The following PEMT variants were observed in gnomAD, a reference collection of about 807,000 sequenced individuals.
PEMT encodes phospholipid methyltransferase.
PEMT carries 23 observed loss-of-function variants against 27.4 expected under a neutral mutation model. That is an observed-to-expected ratio of 0.84 (90% CI 0.60 to 1.19). The LOEUF (loss-of-function observed/expected upper bound fraction) is 1.19. PEMT is among the 50% of genes most tolerant of loss of function. PEMT has a pLI of 0.00. For missense variants in PEMT, 307 were observed against 310.1 expected (o/e 0.99, Z 0.07); for synonymous variants, 137 against 139.1 (o/e 0.98, Z 0.11).
chr17:17,537,647 G>A (rs1224012879), intron 2 of PEMT, among the ~76,000 whole-genome samples: 1 of 152,256 alleles, frequency 6.6e-6, no homozygotes, highest in African/African-American at 2.4e-5. Flanking sequence ...GAAAGCAGGA[G>A]GAGAGATAAG....
chr17:17,542,940 G>A lies in PEMT; in HGVS notation c.205-20545C>T, dbSNP rs74471231. 3.7e-4 allele frequency among the ~76,000 whole-genome samples: 57 copies of A among 152,334 alleles called. No individual in the cohort carries two copies. In the East Asian group the frequency reaches 0.011, roughly 28 times the overall value. ...ACTGCCGGGTCTAGAGGACTCTGAG[G>A]CTGGAAGGGGCATGGGGACATCATT... On this transcript the variant is annotated intron_variant, in intron 2 of 6. Coordinates refer to ENST00000255389, the MANE Select transcript of PEMT (RefSeq NM_148172.3).
intron 3 of PEMT, among the ~76,000 whole-genome samples, chr17:17,518,573 G>A (rs528302888): frequency 6.6e-6 from 1 of 152,320 alleles, no homozygotes; most frequent in African/African-American, 2.4e-5. Context: ...CACTGCTGGT[G>A]CAGACCTGCT....
Position 17,509,525 on chromosome 17 carries a change from T to C in PEMT, c.487A>G (p.Lys163Glu), listed in dbSNP as rs761000841. ...GGGAACACGGTCACTCTCGCCTCCTTGAGGATCCCGAAGTAATCACCTGTG... is the reference window on the plus strand; with the variant it reads ...GGGAACACGGTCACTCTCGCCTCCTCGAGGATCCCGAAGTAATCACCTGTG... ...TFLGDYFGIL[K>E]EARVTVFPFN... The change falls in exon 5 of 7, where the codon AAG becomes GAG. Residue 163 changes from lysine (K) to glutamate (E), a missense_variant. By Grantham distance (56) the Lys-to-Glu change is moderately conservative. Coordinates refer to ENST00000255389, the MANE Select transcript of PEMT (RefSeq NM_148172.3). 73 of 1,613,380 alleles carry C rather than the reference T, an allele frequency of 4.5e-5. No homozygotes were observed. The highest frequency in any genetic ancestry group is 6.1e-5 in the Non-Finnish European group (72 of 1,179,470).
chr17:17,588,746 A>G (rs4646344), intron 1 of PEMT, among the ~76,000 whole-genome samples: 51,641 of 152,040 alleles, frequency 0.34, 10,042 homozygotes, highest in Middle Eastern at 0.47. Context: ...TCATCTTCTG[A>G]ATCCTGGAGG....
rs1386445442 is a variant in PEMT at position 17,523,251 on chromosome 17, C to G, written c.205-856G>C. On this transcript the variant is annotated intron_variant, in intron 2 of 6. Transcript: ENST00000255389. The surrounding 1 kb of genome is among the most constrained non-coding windows in gnomAD (Gnocchi z 4.8). ...AAGTTGTCTGTGGGCCCAGAGTAGG[C>G]GCCTGTGTGTGCACAGGAAGAGCCT... is the stretch of plus-strand genomic sequence containing the variant. Among the ~76,000 whole-genome samples the G allele has an allele frequency of 6.6e-6, 1 of 152,172 alleles. No individual in the cohort carries two copies.
At chr17:17,511,716 C>A (rs1906413012) in intron 4 of PEMT, among the ~76,000 whole-genome samples, 1 of 152,218 alleles carries the variant, frequency 6.6e-6, no homozygotes, top group African/African-American at 2.4e-5. Context: ...CAACTCCCTG[C>A]TCACTGGGAG....
intron 1 of PEMT, among the ~76,000 whole-genome samples, chr17:17,588,250 C>T (rs571350049): frequency 2.8e-4 from 42 of 152,284 alleles, no homozygotes; most frequent in African/African-American, 9.6e-4. Flanking sequence ...TCTAATATAA[C>T]GGCCTAATGT....
chr17:17,550,698 G>A (rs1909598855), intron 2 of PEMT, among the ~76,000 whole-genome samples: 1 of 152,222 alleles, frequency 6.6e-6, no homozygotes, highest in African/African-American at 2.4e-5. Context: ...CAAGGTCGCA[G>A]GTGGCTAGAG....
At chr17:17,507,098 C>T (rs939160557) in intron 5 of PEMT, 48 of 1,464,286 alleles carry the variant, frequency 3.3e-5, no homozygotes, top group Admixed American at 3.9e-5. Context: ...CCAAGGAGCC[C>T]GGGCGCAGCT....
intron 3 of PEMT, among the ~76,000 whole-genome samples, chr17:17,518,833 G>A (rs557309168): frequency 2.6e-5 from 4 of 152,192 alleles, no homozygotes; most frequent in Non-Finnish European, 2.9e-5. Flanking sequence ...GAAAGCAGAC[G>A]AGTGCTGCCA....
At chr17:17,528,157 C>T (rs535905807) in intron 2 of PEMT, among the ~76,000 whole-genome samples, 3 of 152,348 alleles carry the variant, frequency 2.0e-5, no homozygotes, top group Admixed American at 6.5e-5. Flanking sequence ...GTGGGCCGTG[C>T]GCCAGCACAG....
intron 3 of PEMT, among the ~76,000 whole-genome samples, chr17:17,514,632 G>A (rs1001716084): frequency 1.3e-5 from 2 of 152,226 alleles, no homozygotes; most frequent in South Asian, 2.1e-4. Flanking sequence ...GGGTCACCCC[G>A]CAGCTCCAGG....
intron 4 of PEMT, 116 bp from the exon 5 acceptor site, chr17:17,509,661 C>A: frequency 1.4e-6 from 1 of 728,250 alleles, no homozygotes; most frequent in South Asian, 1.5e-5. Context: ...AGGGCCCTGC[C>A]CTCCAGGAGA....
chr17:17,550,013 A>G (rs749965672), intron 2 of PEMT, among the ~76,000 whole-genome samples: 3 of 152,200 alleles, frequency 2.0e-5, no homozygotes, highest in Non-Finnish European at 4.4e-5. Context: ...GCTGACGGAA[A>G]TGGATCCTTC....
intron 4 of PEMT, among the ~76,000 whole-genome samples, chr17:17,510,234 A>G (rs972437591): frequency 4.6e-5 from 7 of 152,174 alleles, no homozygotes; most frequent in African/African-American, 1.4e-4. Context: ...CACAGCCACA[A>G]GGCGTCCCCC....
rs911498651 is a variant in PEMT, at chr17:17,507,269, G to T, written c.579-968C>A. ...AGGGAGGAAAGGAGCTGTCTGGCGG[G>T]CACAGAGGGCGCATGGGCAGGCCTG... is the stretch of plus-strand genomic sequence containing the variant. On this transcript the variant is annotated intron_variant, in intron 5 of 6. Transcript: ENST00000255389. 6.1e-6 allele frequency: 8 copies of T among 1,303,768 alleles called. No individual in the cohort carries two copies. In the African/African-American group the frequency reaches 1.0e-4, roughly 17 times the overall value. 80.8% of individuals were successfully genotyped at this position (1,303,768 alleles called of 1,614,324 possible).
intron 3 of PEMT, among the ~76,000 whole-genome samples, chr17:17,516,118 C>T (rs1297422757): frequency 6.6e-6 from 1 of 152,082 alleles, no homozygotes; most frequent in African/African-American, 2.4e-5. Context: ...GGGGTGTCTC[C>T]GCAACGTCGT....
intron 2 of PEMT, among the ~76,000 whole-genome samples, chr17:17,541,648 G>T (rs1217115215): frequency 6.6e-6 from 1 of 152,262 alleles, no homozygotes; most frequent in African/African-American, 2.4e-5. Flanking sequence ...CAGGTTTGTT[G>T]AGGCTTCTGG....
intron 4 of PEMT, among the ~76,000 whole-genome samples, chr17:17,510,090 G>A (rs902084722): frequency 6.6e-6 from 1 of 152,126 alleles, no homozygotes; most frequent in Non-Finnish European, 1.5e-5. Context: ...GCCACAGCAC[G>A]CCTCCCGTTG....
Sources: allele counts gnomAD v4.1 joint callset (sites outside exome capture counted in the v4.1 genomes callset), GRCh38; gene constraint gnomAD v4.1.1; non-coding constraint Gnocchi (gnomAD v3.1); transcripts MANE v1.5; gene names NCBI Gene and HGNC (gene_info 2026-07-23, HGNC 2026-07-21).